Variants in SNTG1 observed in about 807,000 individuals in gnomAD.
SNTG1 encodes syntrophin gamma 1, also known as gamma-1-syntrophin.
In SNTG1, 39 loss-of-function variants were observed where a neutral mutation model predicts 74.7. The ratio of observed to expected loss-of-function variants is 0.52; its 90% CI spans 0.40 to 0.68. The LOEUF (loss-of-function observed/expected upper bound fraction) is 0.68, where lower values mean the gene tolerates loss of function less well. Ranked by LOEUF, SNTG1 falls within the 30% of genes least tolerant of loss-of-function variation. SNTG1 has a pLI of 0.00. For missense variants in SNTG1, 685 were observed against 609.5 expected (o/e 1.12, Z -1.30); for synonymous variants, 254 against 217.1 (o/e 1.17, Z -1.49).
intron 1 of SNTG1, among the ~76,000 whole-genome samples, chr8:50,078,112 A>G (rs1822066621): frequency 6.6e-6 from 1 of 152,184 alleles, no homozygotes; most frequent in Non-Finnish European, 1.5e-5. Flanking sequence ...CTTACTGCTG[A>G]ACTACCAGTT....
At chr8:49,938,603 T>TTTTCTTTTTTTTTTCTTTCTTTC in intron 1 of SNTG1, among the ~76,000 whole-genome samples, 2 of 74,754 alleles carry the variant, frequency 2.7e-5, no homozygotes, top group Non-Finnish European at 5.5e-5. Context: ...TTTTCTTTTC[T>TTTTCTTTTTTTTTTCTTTCTTTC]TTTCTTTCTT....
intron 4 of SNTG1, among the ~76,000 whole-genome samples, chr8:50,421,295 G>A (rs1005434664): frequency 6.6e-6 from 1 of 152,136 alleles, no homozygotes; most frequent in Non-Finnish European, 1.5e-5. Flanking sequence ...GTTCGGGGCT[G>A]CTAGTGGCCC....
At chr8:50,467,207 CCTT>C (rs747855069) in intron 8 of SNTG1, among the ~76,000 whole-genome samples, 7 of 151,870 alleles carry the variant, frequency 4.6e-5, no homozygotes, top group Non-Finnish European at 1.0e-4. Context: ...TGTTGCCTCT[CCTT>C]CTGTGTTCTA....
intron 18 of SNTG1, among the ~76,000 whole-genome samples, chr8:50,760,814 C>G (rs949359155): frequency 2.0e-5 from 3 of 151,848 alleles, no homozygotes; most frequent in Admixed American, 1.3e-4. Flanking sequence ...CTTCCCAAGT[C>G]TAAACGAGGA....
intron 2 of SNTG1, among the ~76,000 whole-genome samples, chr8:50,337,747 C>T (rs1020927773): frequency 1.3e-5 from 2 of 152,190 alleles, no homozygotes; most frequent in African/African-American, 4.8e-5. Context: ...TGGAATACTT[C>T]CTCCTTTCTC....
chr8:50,268,531 C>T (rs1416202147), intron 2 of SNTG1, among the ~76,000 whole-genome samples: 3 of 151,968 alleles, frequency 2.0e-5, no homozygotes, highest in African/African-American at 4.8e-5. Flanking sequence ...CCAGTACTGA[C>T]CTTTAATAAA....
At chr8:50,563,631 G>A (rs1286799667) in intron 12 of SNTG1, among the ~76,000 whole-genome samples, 1 of 151,998 alleles carries the variant, frequency 6.6e-6, no homozygotes. Flanking sequence ...TAAGTGGCAA[G>A]TACAGAAAAA....
chr8:50,557,278 C>T (rs555478887), intron 12 of SNTG1, among the ~76,000 whole-genome samples: 2 of 150,122 alleles, frequency 1.3e-5, no homozygotes, highest in Admixed American at 6.6e-5. Flanking sequence ...GGACTCCTGA[C>T]ATACAGAGAT....
chr8:50,296,244 C>A lies in SNTG1; in HGVS notation c.-27-97968C>A, dbSNP rs182921689. Among the ~76,000 whole-genome samples, 217 of 152,196 alleles carry A rather than the reference C, an allele frequency of 1.4e-3. 1 individual carries two copies. The highest frequency in any genetic ancestry group is 0.014 in the Middle Eastern group (4 of 294). ...TATAGAACCAGAAATACTATTTGAC[C>A]CAGCAATCCCATTACTGGGAATATA... is the stretch of plus-strand genomic sequence containing the variant. On this transcript the variant is annotated intron_variant, in intron 2 of 18. Coordinates refer to ENST00000642720, the MANE Select transcript of SNTG1 (RefSeq NM_018967.5).
chr8:50,046,756 T>G (rs969827658), intron 1 of SNTG1, among the ~76,000 whole-genome samples: 1 of 152,240 alleles, frequency 6.6e-6, no homozygotes, highest in African/African-American at 2.4e-5. Context: ...AAATGCTGAC[T>G]GTTCAATTTT....
chr8:50,480,283 T>A (rs1447109234), intron 8 of SNTG1, among the ~76,000 whole-genome samples: 1 of 151,946 alleles, frequency 6.6e-6, no homozygotes, highest in Admixed American at 6.6e-5. Context: ...TTTTTGAGAT[T>A]TTTTCCAACA....
rs186094898 is a variant in SNTG1, at chr8:50,660,197, A to T, written c.1038+1534A>T. Among the ~76,000 whole-genome samples the T allele has an allele frequency of 4.5e-3, 685 of 151,744 alleles. 6 individuals carry two copies. Among genetic ancestry groups the T allele is most frequent in the African/African-American group, 0.012 (505 of 41,348 alleles). On this transcript the variant is annotated intron_variant, in intron 15 of 18. Coordinates refer to ENST00000642720, the MANE Select transcript of SNTG1 (RefSeq NM_018967.5). The stretch of plus-strand genomic sequence containing the variant: ...AATTAGGGGAAGAAAAGAAAGAAAG[A>T]AAAGAAAAGAAGGAAAAGAAAAGAA...
At chr8:50,710,534 C>T (rs1045011451) in intron 17 of SNTG1, among the ~76,000 whole-genome samples, 6 of 152,250 alleles carry the variant, frequency 3.9e-5, no homozygotes, top group Admixed American at 3.9e-4. Context: ...TGTCACCAAA[C>T]TCTAGTACAC....
At position 50,010,667 on chromosome 8, in the gene SNTG1, TA is replaced by T. The variant is rs199621367; in HGVS notation, c.-103+98445del. Among the ~76,000 whole-genome samples the T allele has an allele frequency of 4.1e-3, 617 of 151,004 alleles. 4 individuals are homozygous for T. The highest frequency in any genetic ancestry group is 0.014 in the African/African-American group (577 of 41,248). ...TGATAAACTCTCTTAAATGGTAGATTAAAAAAAAATTCTTACTAAAAACATC... is the reference window on the plus strand; with the variant it reads ...TGATAAACTCTCTTAAATGGTAGATTAAAAAAAATTCTTACTAAAAACATC... On this transcript the variant is annotated intron_variant, in intron 1 of 18. Coordinates refer to ENST00000642720, the MANE Select transcript of SNTG1 (RefSeq NM_018967.5).
At chr8:50,102,603 CT>C (rs1254574551) in intron 1 of SNTG1, among the ~76,000 whole-genome samples, 1 of 147,880 alleles carries the variant, frequency 6.8e-6, no homozygotes, top group Non-Finnish European at 1.5e-5. Context: ...GTTGCCATTG[CT>C]TTTGGTGTTT....
intron 1 of SNTG1, among the ~76,000 whole-genome samples, chr8:50,015,462 AACAG>A (rs1816222638): frequency 6.6e-6 from 1 of 152,046 alleles, no homozygotes; most frequent in Admixed American, 6.6e-5. Flanking sequence ...GAGAAAGAGA[AACAG>A]ACAAATTATT....
At chr8:50,790,595 T>C (rs2095688101) in intron 18 of SNTG1, among the ~76,000 whole-genome samples, 1 of 151,668 alleles carries the variant, frequency 6.6e-6, no homozygotes. Flanking sequence ...ACCCTAGGAG[T>C]GGAAATGGTT....
At chr8:49,967,007 G>T (rs1246891404) in intron 1 of SNTG1, among the ~76,000 whole-genome samples, 1 of 151,792 alleles carries the variant, frequency 6.6e-6, no homozygotes, top group Non-Finnish European at 1.5e-5. Flanking sequence ...AAATATTTTT[G>T]TGCTTTCTTT....
Position 50,794,663 on chromosome 8 carries a change from C to A in SNTG1, c.*1834C>A, listed in dbSNP as rs538314290. ...ATGGAGAAAAAGCAGTGGGATACATCGAACTTAGAATTTTCAGCTGTGGCA... is the reference window on the plus strand; with the variant it reads ...ATGGAGAAAAAGCAGTGGGATACATAGAACTTAGAATTTTCAGCTGTGGCA... On this transcript the variant is annotated 3_prime_UTR_variant, in exon 19 of 19. Transcript: ENST00000642720. The A allele has an allele frequency of 6.6e-6, 1 of 151,936 alleles. No homozygotes were observed. Among genetic ancestry groups the A allele is most frequent in the Non-Finnish European group, 1.5e-5 (1 of 67,946 alleles). 9.4% of individuals were successfully genotyped at this position (151,936 alleles called of 1,614,324 possible). A position where few individuals can be genotyped will look rare whatever the true frequency, so the allele number is the denominator to read the frequency against.
Sources: gnomAD v4.1 joint callset for allele counts (sites outside exome capture counted in the v4.1 genomes callset) on GRCh38, gnomAD v4.1.1 for gene constraint, MANE v1.5 for transcripts, NCBI Gene and HGNC (gene_info 2026-07-23, HGNC 2026-07-21) for gene names.